SETX: variants seen among roughly 807,000 people sequenced by gnomAD.
The protein encoded by SETX is helicase senataxin.
Under a neutral mutation model 227.2 loss-of-function variants are expected in SETX, and 90 were observed. The ratio of observed to expected loss-of-function variants is 0.40; its 90% CI spans 0.33 to 0.47. The LOEUF is 0.47. Ranked by LOEUF, SETX falls within the 20% of genes least tolerant of loss-of-function variation. The pLI is 0.91. For missense variants in SETX, 3,052 were observed against 3,181.5 expected (o/e 0.96, Z 0.98); for synonymous variants, 1,210 against 1,113.2 (o/e 1.09, Z -1.73).
At chr9:132,310,331 T>C (rs1239706008) in intron 11 of SETX, among the ~76,000 whole-genome samples, 1 of 152,220 alleles carries the variant, frequency 6.6e-6, no homozygotes, top group African/African-American at 2.4e-5. Context: ...TTTTGTACAA[T>C]AGGCTTGGCA....
chr9:132,285,756 T>C (rs79038921), intron 18 of SETX, among the ~76,000 whole-genome samples: 16,194 of 150,686 alleles, frequency 0.11, 961 homozygotes, highest in East Asian at 0.24. Context: ...GGCGCACACC[T>C]GTAGTCCCAG....
At chr9:132,268,450 G>A (rs1842749188) in intron 25 of SETX, among the ~76,000 whole-genome samples, 1 of 152,202 alleles carries the variant, frequency 6.6e-6, no homozygotes, top group African/African-American at 2.4e-5. Flanking sequence ...GCAGTGAGCT[G>A]TGATTGTGCC....
At position 132,326,653 on chromosome 9, in the gene SETX, C is replaced by G; in HGVS notation, c.4945G>C (p.Val1649Leu). ...QPVPLIAQKP[V>L]GEMKNSCNVL... ...TTGCACGAATTCTTCATTTCACCAA[C>G]TGGCTTCTGAGCTATGAGGGGAACT... Residue 1649 changes from valine (V) to leucine (L), a missense_variant, in exon 10 of 26, where the codon GTT becomes CTT. Physicochemically the swap from Val to Leu is conservative, Grantham distance 32 (BLOSUM62 1). Coordinates refer to ENST00000224140, the MANE Select transcript of SETX (RefSeq NM_015046.7). 6.2e-7 allele frequency: 1 copy of G among 1,614,204 alleles called. No homozygotes were observed. Among genetic ancestry groups the G allele is most frequent in the South Asian group, 1.1e-5 (1 of 91,080 alleles).
At chr9:132,356,205 C>A (rs1848904970), upstream of SETX, among the ~76,000 whole-genome samples, 1 of 151,694 alleles carries the variant, frequency 6.6e-6, no homozygotes, top group Admixed American at 6.6e-5. Context: ...GCCTATCCCC[C>A]CCCTTTTTTG....
rs756080695 is a variant in SETX, at chr9:132,327,208, G to A, written c.4390C>T (p.Pro1464Ser). The change falls in exon 10 of 26, where the codon CCT becomes TCT. Residue 1464 changes from proline (P) to serine (S), a missense_variant. This residue lies in a region of SETX where 1,483 missense variants were observed against 1,312.0 expected (regional missense o/e 1.13). Transcript: ENST00000224140. ...NEVIVSTSEDPLGGGDPTARH... is the reference protein window; with the variant it reads ...NEVIVSTSEDSLGGGDPTARH... ...GCTGTTGGATCACCTCCACCCAGAG[G>A]GTCTTCTGAAGTGGAGACAATTACT... The A allele has an allele frequency of 3.2e-5, 52 of 1,613,994 alleles. No homozygotes were observed. Among genetic ancestry groups the A allele is most frequent in the Admixed American group, 3.3e-5 (2 of 59,998 alleles).
chr9:132,291,414 C>T (rs988282216), intron 15 of SETX, among the ~76,000 whole-genome samples: 3 of 150,772 alleles, frequency 2.0e-5, no homozygotes, highest in Non-Finnish European at 4.4e-5. Flanking sequence ...GATCCACCTG[C>T]CTTGGCCTCC....
At chr9:132,265,616 T>A (rs1842610953) in intron 25 of SETX, among the ~76,000 whole-genome samples, 1 of 152,188 alleles carries the variant, frequency 6.6e-6, no homozygotes, top group South Asian at 2.1e-4. Flanking sequence ...TTTCAATAAA[T>A]TAAAATAAAA....
chr9:132,290,827 C>A (rs552247409), intron 15 of SETX, among the ~76,000 whole-genome samples: 1 of 149,932 alleles, frequency 6.7e-6, no homozygotes, highest in East Asian at 2.0e-4. Flanking sequence ...GCAGGGGAGG[C>A]AAGACCAGTT....
At chr9:132,294,150 T>A (rs184735202) in intron 15 of SETX, among the ~76,000 whole-genome samples, 1 of 152,136 alleles carries the variant, frequency 6.6e-6, no homozygotes, top group African/African-American at 2.4e-5. Flanking sequence ...CCAGGGAAAG[T>A]TAAATTAAAA....
Position 132,328,831 on chromosome 9 carries a change from T to C in SETX, c.2767A>G (p.Arg923Gly). The change falls in exon 10 of 26, where the codon AGA becomes GGA. Residue 923 changes from arginine to glycine, a missense_variant. Around this residue, in one of 10 missense-constraint regions of SETX, gnomAD observed 1,483 missense variants for 1,312.0 expected, o/e 1.13. Transcript: ENST00000224140. ...GTACTATTACTCATCTCCTCATCTCTTGATTCAGGTACAGTCATAAGATCT... is the reference window on the plus strand; with the variant it reads ...GTACTATTACTCATCTCCTCATCTCCTGATTCAGGTACAGTCATAAGATCT... ...FKDLMTVPES[R>G]DEEMSNSTSV... is the part of the protein sequence containing the mutation. The C allele has an allele frequency of 6.2e-7, 1 of 1,613,234 alleles. No individual in the cohort carries two copies.
intron 11 of SETX, among the ~76,000 whole-genome samples, chr9:132,302,214 G>A (rs369326831): frequency 3.7e-4 from 56 of 151,784 alleles, no homozygotes; most frequent in African/African-American, 6.5e-4. Flanking sequence ...AAAATTAGCC[G>A]GGCATGGTGG....
intron 21 of SETX, 88 bp downstream of exon 21, chr9:132,277,982 C>T (rs1843261030): frequency 1.6e-6 from 2 of 1,284,554 alleles, no homozygotes; most frequent in Non-Finnish European, 2.3e-6. Flanking sequence ...CTTTTTATGA[C>T]AAGACCTAAG....
At chr9:132,325,669 G>A (rs1846695751) in intron 10 of SETX, among the ~76,000 whole-genome samples, 1 of 152,118 alleles carries the variant, frequency 6.6e-6, no homozygotes, top group Non-Finnish European at 1.5e-5. Flanking sequence ...GCTCATGCCC[G>A]TAATCCCAGC....
chr9:132,270,195 C>T (rs555180348), intron 24 of SETX, among the ~76,000 whole-genome samples: 11 of 149,560 alleles, frequency 7.4e-5, no homozygotes, highest in Admixed American at 3.3e-4. Context: ...AATGACTCAG[C>T]GTGCCCATGT....
chr9:132,265,658 T>G (rs1242310997), intron 25 of SETX, among the ~76,000 whole-genome samples: 3 of 152,210 alleles, frequency 2.0e-5, no homozygotes, highest in Non-Finnish European at 4.4e-5. Flanking sequence ...CAGCCACATT[T>G]CAAGTACACA....
intron 5 of SETX, among the ~76,000 whole-genome samples, chr9:132,340,885 T>C (rs1442489014): frequency 6.6e-6 from 1 of 152,328 alleles, no homozygotes; most frequent in African/African-American, 2.4e-5. Context: ...TTTTCTACTT[T>C]ATTCTCCCAC....
rs185778422 is a variant in SETX at position 132,301,616 on chromosome 9, A to C, written c.5375-813T>G. 1.4e-3 allele frequency among the ~76,000 whole-genome samples: 219 copies of C among 152,302 alleles called. 1 individual carries two copies. The highest frequency in any genetic ancestry group is 3.5e-3 in the South Asian group (17 of 4,826). ...CATGTTACAATTACCTACAGTATTC[A>C]ATACGGTAACATGCTGTACAGGTTG... On this transcript the variant is annotated intron_variant, in intron 11 of 25. Coordinates refer to ENST00000224140, the MANE Select transcript of SETX (RefSeq NM_015046.7).
Position 132,275,283 on chromosome 9 carries a change from T to C in SETX, c.7073A>G (p.Asp2358Gly), listed in dbSNP as rs770469636. ...YKAQKTMIQK[D>G]LDKEFDRKGP... Reference sequence around the variant, plus strand: ...TTTTCTATCGAACTCTTTGTCCAAATCCTTCTGAATCATCGTCTTCTGGGC... The same window carrying C: ...TTTTCTATCGAACTCTTTGTCCAAACCCTTCTGAATCATCGTCTTCTGGGC... The change falls in exon 23 of 26, where the codon GAT becomes GGT. Residue 2358 changes from aspartate (D) to glycine (G), a missense_variant. Asp to Gly is a moderately conservative substitution (Grantham distance 94). Coordinates refer to ENST00000224140, the MANE Select transcript of SETX (RefSeq NM_015046.7). The C allele has an allele frequency of 2.5e-5, 40 of 1,614,028 alleles. No homozygotes were observed. The highest frequency in any genetic ancestry group is 1.8e-4 in the Admixed American group (11 of 60,014).
chr9:132,349,394 G>C lies in SETX; in HGVS notation c.35C>G (p.Ala12Gly). ...GCGCTTTAGGAAGTCAATGGTGGAA[G>C]CACCACCTGGCGTACACCAACAACA... ...STCCWCTPGG[A>G]STIDFLKRYA... Residue 12 changes from alanine to glycine, a missense_variant, in exon 3 of 26, where the codon GCT becomes GGT. Physicochemically the swap from Ala to Gly is moderately conservative, Grantham distance 60 (BLOSUM62 0). Transcript: ENST00000224140. 1 of 1,614,192 alleles carries C rather than the reference G, an allele frequency of 6.2e-7. No homozygotes were observed. The highest frequency in any genetic ancestry group is 8.5e-7 in the Non-Finnish European group (1 of 1,180,052).
Sources: gnomAD v4.1 joint callset for allele counts (sites outside exome capture counted in the v4.1 genomes callset) on GRCh38, gnomAD v4.1.1 for gene constraint, gnomAD v4.1.1 regional missense constraint, MANE v1.5 for transcripts, NCBI Gene and HGNC (gene_info 2026-07-23, HGNC 2026-07-21) for gene names.